The following ASIC2 variants were observed in gnomAD, a reference collection of about 807,000 sequenced individuals.
ASIC2 encodes the protein acid-sensing ion channel 2.
In ASIC2, 25 loss-of-function variants were observed where a neutral mutation model predicts 57.3. That is an observed-to-expected ratio of 0.44 (90% CI 0.32 to 0.61). The LOEUF (loss-of-function observed/expected upper bound fraction) is 0.61. Among genes scored for constraint, ASIC2 ranks in the 20% least tolerant of loss-of-function variants. The pLI is 0.06. For synonymous variants in ASIC2, 319 were observed against 307.5 expected, an observed-to-expected ratio of 1.04 and a Z score of -0.39; for missense variants, 641 against 738.1, an observed-to-expected ratio of 0.87 and a Z score of 1.52.
intron 1 of ASIC2, among the ~76,000 whole-genome samples, chr17:33,399,045 A>G (rs934706077): frequency 3.9e-5 from 6 of 152,214 alleles, no homozygotes; most frequent in Non-Finnish European, 7.3e-5. Flanking sequence ...CTCTGTATCC[A>G]GAGAAGCAGA....
intron 1 of ASIC2, among the ~76,000 whole-genome samples, chr17:33,335,519 C>T (rs1472862243): frequency 6.6e-6 from 1 of 152,124 alleles, no homozygotes; most frequent in African/African-American, 2.4e-5. Flanking sequence ...ATACAATGGG[C>T]TTCAAAGTAT....
rs569720568 is a variant in ASIC2, at chr17:33,552,467, G to T, written c.556-440400C>A. ...TCCTGAAACCATGAAATGGGAGGTA[G>T]CATGTAGCATGATGGAAAAGTAACA... On this transcript the variant is annotated intron_variant, in intron 1 of 9. Coordinates refer to the ASIC2 transcript ENST00000359872. 3.9e-5 allele frequency among the ~76,000 whole-genome samples: 6 copies of T among 152,342 alleles called. No individual in the cohort carries two copies. In the East Asian group the frequency reaches 5.8e-4, roughly 15 times the overall value.
At chr17:33,779,567 C>T (rs895625965) in intron 1 of ASIC2, among the ~76,000 whole-genome samples, 3 of 152,288 alleles carry the variant, frequency 2.0e-5, no homozygotes, top group African/African-American at 7.2e-5. Flanking sequence ...TCCTGGCAGA[C>T]AAACCTAAGA....
chr17:33,206,062 C>T (rs1363843151), intron 1 of ASIC2, among the ~76,000 whole-genome samples: 1 of 152,158 alleles, frequency 6.6e-6, no homozygotes, highest in Non-Finnish European at 1.5e-5. Context: ...TGTAATGAAA[C>T]TCACCAGAGT....
intron 1 of ASIC2, among the ~76,000 whole-genome samples, chr17:33,799,990 T>C (rs1419575285): frequency 6.6e-6 from 1 of 152,158 alleles, no homozygotes; most frequent in Non-Finnish European, 1.5e-5. Context: ...ACTAGGTGCT[T>C]CCTTATTATC....
At chr17:33,526,159 A>G (rs1403277261) in intron 1 of ASIC2, among the ~76,000 whole-genome samples, 3 of 152,184 alleles carry the variant, frequency 2.0e-5, no homozygotes, top group Non-Finnish European at 4.4e-5. Flanking sequence ...TCACATATCC[A>G]GCAAAAATAG....
intron 1 of ASIC2, among the ~76,000 whole-genome samples, chr17:33,928,377 C>A (rs917746884): frequency 6.6e-6 from 1 of 152,064 alleles, no homozygotes; most frequent in Non-Finnish European, 1.5e-5. Flanking sequence ...TAAAAGCTGA[C>A]CAGAACTGTG....
chr17:33,133,726 G>A (rs886973841), intron 1 of ASIC2, among the ~76,000 whole-genome samples: 3 of 152,152 alleles, frequency 2.0e-5, no homozygotes, highest in African/African-American at 7.2e-5. Context: ...CCCGGGTGAG[G>A]CATTGGAGTG....
At chr17:33,505,161 G>A (rs192369334) in intron 1 of ASIC2, among the ~76,000 whole-genome samples, 1 of 152,204 alleles carries the variant, frequency 6.6e-6, no homozygotes, top group East Asian at 1.9e-4. Context: ...GGCGGGGCAC[G>A]TGAGCAGTAG....
intron 1 of ASIC2, among the ~76,000 whole-genome samples, chr17:33,233,080 C>G (rs372917318): frequency 1.4e-3 from 211 of 152,138 alleles, no homozygotes; most frequent in Non-Finnish European, 1.7e-3. Context: ...CCCTGGAGAC[C>G]ACGTGGAAAC....
intron 1 of ASIC2, among the ~76,000 whole-genome samples, chr17:33,518,240 G>A (rs1246347246): frequency 2.6e-5 from 4 of 152,178 alleles, no homozygotes; most frequent in African/African-American, 9.7e-5. Flanking sequence ...GTAAGCTCTA[G>A]AAACAGATAC....
rs796594564 is a variant in ASIC2 at position 33,676,779 on chromosome 17, G to T, written c.555+479199C>A. On this transcript the variant is annotated intron_variant, in intron 1 of 9. Transcript: ENST00000359872. ...AATCTAGCTAAGATAATTGATGAAG[G>T]TGGTGATATAGCTTGAATACATGTC... 1.1e-4 allele frequency among the ~76,000 whole-genome samples: 16 copies of T among 152,346 alleles called. 1 individual carries two copies. Among genetic ancestry groups the T allele is most frequent in the African/African-American group, 3.8e-4 (16 of 41,574 alleles).
Position 33,810,141 on chromosome 17 carries a change from A to C in ASIC2, c.555+345837T>G, listed in dbSNP as rs527440706. Among the ~76,000 whole-genome samples the C allele has an allele frequency of 2.0e-5, 3 of 152,346 alleles. No homozygotes were observed. In the East Asian group the frequency reaches 5.8e-4, roughly 29 times the overall value. On this transcript the variant is annotated intron_variant, in intron 1 of 9. Coordinates refer to the ASIC2 transcript ENST00000359872. ...AATCCAGGTTGTGAAATATTGTTTAAACTCATTCATAGGTTAGTAGGAGGC... is the reference window on the plus strand; with the variant it reads ...AATCCAGGTTGTGAAATATTGTTTACACTCATTCATAGGTTAGTAGGAGGC...
chr17:33,136,432 A>G (rs1292095543), intron 1 of ASIC2, among the ~76,000 whole-genome samples: 1 of 152,232 alleles, frequency 6.6e-6, no homozygotes. Flanking sequence ...TGAATATCTG[A>G]GTGCATACAT....
At chr17:33,527,852 C>T (rs1042668633) in intron 1 of ASIC2, among the ~76,000 whole-genome samples, 1 of 152,166 alleles carries the variant, frequency 6.6e-6, no homozygotes, top group Admixed American at 6.5e-5. Context: ...GAGCAAATCA[C>T]TGTCCCAATC....
chr17:33,659,952 C>T (rs534175591), intron 1 of ASIC2, among the ~76,000 whole-genome samples: 9 of 151,664 alleles, frequency 5.9e-5, no homozygotes, highest in Admixed American at 2.6e-4. Context: ...GGCGTGTTGG[C>T]GCACGCCTAT....
At chr17:33,684,455 T>C (rs1409711872) in intron 1 of ASIC2, among the ~76,000 whole-genome samples, 1 of 151,598 alleles carries the variant, frequency 6.6e-6, no homozygotes. Flanking sequence ...CATCATGAAA[T>C]ATTGTTCATG....
chr17:33,425,334 C>T lies in ASIC2; in HGVS notation c.556-313267G>A, dbSNP rs925820351. ...AGGAGAAAAATGGAAAACAACTCAG[C>T]TCTGTCAGATGCCAAAGCCAGTGAT... On this transcript the variant is annotated intron_variant, in intron 1 of 9. Coordinates refer to the ASIC2 transcript ENST00000359872. Among the ~76,000 whole-genome samples, 3 of 152,220 alleles carry T rather than the reference C, an allele frequency of 2.0e-5. No individual in the cohort carries two copies. In the South Asian group the frequency reaches 6.2e-4, roughly 32 times the overall value.
chr17:33,675,351 G>A (rs1907785907), intron 1 of ASIC2, among the ~76,000 whole-genome samples: 2 of 152,140 alleles, frequency 1.3e-5, no homozygotes, highest in Admixed American at 1.3e-4. Flanking sequence ...GTCTACTCTG[G>A]CATCAGGAAT....
Sources: gnomAD v4.1 joint callset for allele counts (sites outside exome capture counted in the v4.1 genomes callset) on GRCh38, gnomAD v4.1.1 for gene constraint, MANE v1.5 for transcripts, NCBI Gene and HGNC (gene_info 2026-07-23, HGNC 2026-07-21) for gene names.